Variants in RBMS1 observed in about 807,000 individuals in gnomAD.
RBMS1 encodes the protein RNA-binding motif, single-stranded-interacting protein 1.
A neutral mutation model predicts 62.3 loss-of-function variants in RBMS1; 17 were observed. The observed-to-expected ratio is 0.27, with a 90% CI of 0.19 to 0.41. RBMS1 has a LOEUF of 0.41. RBMS1 is among the 10% of genes least tolerant of loss of function. The pLI is 1.00. For missense variants in RBMS1, 334 were observed against 504.5 expected (o/e 0.66, Z 3.24); for synonymous variants, 172 against 170.0 (o/e 1.01, Z -0.09).
intron 1 of RBMS1, among the ~76,000 whole-genome samples, chr2:160,480,238 TAAAC>T (rs977115255): frequency 1.3e-5 from 2 of 151,986 alleles, no homozygotes; most frequent in African/African-American, 4.8e-5. Context: ...CAACATCAAA[TAAAC>T]AAAGCCATCA....
At chr2:160,296,928 G>A (rs1688965776) in intron 6 of RBMS1, among the ~76,000 whole-genome samples, 1 of 152,086 alleles carries the variant, frequency 6.6e-6, no homozygotes, top group Non-Finnish European at 1.5e-5. Context: ...GAGTATTTGG[G>A]ATAAATCTTC....
At chr2:160,489,787 G>C (rs979838494) in intron 1 of RBMS1, among the ~76,000 whole-genome samples, 1 of 152,010 alleles carries the variant, frequency 6.6e-6, no homozygotes, top group African/African-American at 2.4e-5. Flanking sequence ...AAAAAATCAA[G>C]CTTTCCATTA....
rs535820836 is a variant in RBMS1, at chr2:160,393,382, A to G, written c.76-25991T>C. On this transcript the variant is annotated intron_variant, in intron 1 of 13. Coordinates refer to ENST00000348849, the MANE Select transcript of RBMS1 (RefSeq NM_016836.4). The stretch of plus-strand genomic sequence containing the variant: ...AGACTGTAAGGTTGACAACAGGATT[A>G]CTAATTTGTTATTGCCCTCAGGGCC... 3.9e-5 allele frequency among the ~76,000 whole-genome samples: 6 copies of G among 152,370 alleles called. No homozygotes were observed. The East Asian group carries it at 9.6e-4, about 24-fold the overall frequency.
intron 1 of RBMS1, among the ~76,000 whole-genome samples, chr2:160,403,805 G>C (rs1369839486): frequency 1.3e-5 from 2 of 152,180 alleles, no homozygotes; most frequent in Non-Finnish European, 2.9e-5. Context: ...AGAAACCAAA[G>C]TATGGTTGGT....
At chr2:160,423,200 C>T (rs1696502560) in intron 1 of RBMS1, among the ~76,000 whole-genome samples, 1 of 152,022 alleles carries the variant, frequency 6.6e-6, no homozygotes, top group South Asian at 2.1e-4. Flanking sequence ...GCTTGCTTTT[C>T]TTTTTCTTTT....
At chr2:160,426,706 T>A (rs569467949) in intron 1 of RBMS1, among the ~76,000 whole-genome samples, 1 of 152,340 alleles carries the variant, frequency 6.6e-6, no homozygotes, top group Admixed American at 6.5e-5. Flanking sequence ...TTTGACAAGA[T>A]GGTCTTAAGG....
intron 1 of RBMS1, among the ~76,000 whole-genome samples, chr2:160,370,850 G>A (rs1463411459): frequency 7.4e-6 from 1 of 136,018 alleles, no homozygotes; most frequent in East Asian, 1.9e-4. Flanking sequence ...GAAAGTAAAA[G>A]GTGCCTTTAA....
chr2:160,390,674 C>T (rs1336960248), intron 1 of RBMS1, among the ~76,000 whole-genome samples: 1 of 129,598 alleles, frequency 7.7e-6, no homozygotes, highest in African/African-American at 3.1e-5. Context: ...CCAGCCTGGG[C>T]TGAGACCCAG....
intron 1 of RBMS1, among the ~76,000 whole-genome samples, chr2:160,394,649 C>T (rs1695045716): frequency 6.6e-6 from 1 of 152,116 alleles, no homozygotes; most frequent in Non-Finnish European, 1.5e-5. Context: ...GTTTATTTTG[C>T]CTGAAGTTAA....
chr2:160,448,185 T>C (rs939493235), intron 1 of RBMS1, among the ~76,000 whole-genome samples: 11 of 152,188 alleles, frequency 7.2e-5, no homozygotes, highest in Non-Finnish European at 1.3e-4. Context: ...TAATATATTT[T>C]AGTCTAATAA....
intron 1 of RBMS1, chr2:160,492,942 G>A: frequency 4.1e-6 from 1 of 242,252 alleles, no homozygotes; most frequent in Non-Finnish European, 7.9e-6. Flanking sequence ...GGATCCAGAC[G>A]CGCACACCAG....
chr2:160,465,090 C>T (rs899282739), intron 1 of RBMS1, among the ~76,000 whole-genome samples: 14 of 152,156 alleles, frequency 9.2e-5, no homozygotes, highest in African/African-American at 3.4e-4. Context: ...ATCAAATAAT[C>T]ACCATGACAA....
At chr2:160,361,020 A>G (rs1444392566) in intron 2 of RBMS1, among the ~76,000 whole-genome samples, 2 of 152,236 alleles carry the variant, frequency 1.3e-5, no homozygotes, top group Non-Finnish European at 2.9e-5. Flanking sequence ...CTATCATATC[A>G]TAAGCTAGAT....
intron 1 of RBMS1, among the ~76,000 whole-genome samples, chr2:160,376,029 C>G (rs1221156650): frequency 3.3e-5 from 5 of 152,126 alleles, no homozygotes; most frequent in African/African-American, 1.2e-4. Context: ...CTGACAACTT[C>G]CTCCCAGCTG....
At chr2:160,308,346 A>T (rs1267443065) in intron 4 of RBMS1, among the ~76,000 whole-genome samples, 2 of 152,088 alleles carry the variant, frequency 1.3e-5, no homozygotes, top group East Asian at 3.9e-4. Flanking sequence ...CAGTGAGCCG[A>T]TATCACCCCA....
Position 160,272,730 on chromosome 2 carries a change from A to G in RBMS1, c.*2042T>C, listed in dbSNP as rs909505881. 1 of 152,270 alleles carries G rather than the reference A, an allele frequency of 6.6e-6. No homozygotes were observed. The highest frequency in any genetic ancestry group is 1.5e-5 in the Non-Finnish European group (1 of 68,068). The allele number at this position is 152,270 out of a possible 1,614,324, so 9.4% of individuals were successfully genotyped here. On this transcript the variant is annotated 3_prime_UTR_variant, in exon 14 of 14. Transcript: ENST00000348849. ...ATATTCCAGGGAGCATAGAACCAATAATACCACAACTTTAAAAAAATGAAA... is the reference window on the plus strand; with the variant it reads ...ATATTCCAGGGAGCATAGAACCAATGATACCACAACTTTAAAAAAATGAAA...
intron 1 of RBMS1, among the ~76,000 whole-genome samples, chr2:160,374,076 C>G (rs1295512998): frequency 1.3e-5 from 2 of 151,840 alleles, no homozygotes; most frequent in East Asian, 3.9e-4. Context: ...GGGTTGAGAC[C>G]AACCTGAATA....
At chr2:160,447,991 G>A (rs888172628) in intron 1 of RBMS1, among the ~76,000 whole-genome samples, 3 of 152,016 alleles carry the variant, frequency 2.0e-5, no homozygotes, top group Admixed American at 2.0e-4. Context: ...GAAAAATATT[G>A]TTATAAATAG....
At chr2:160,277,584 C>A in intron 11 of RBMS1, 1 of 400,186 alleles carries the variant, frequency 2.5e-6, no homozygotes, top group Non-Finnish European at 4.5e-6. Context: ...ATCTGCTAAA[C>A]TAAAAATTCC....
Sources: gnomAD v4.1 joint callset for allele counts (sites outside exome capture counted in the v4.1 genomes callset) on GRCh38, gnomAD v4.1.1 for gene constraint, MANE v1.5 for transcripts, NCBI Gene and HGNC (gene_info 2026-07-23, HGNC 2026-07-21) for gene names.